The following GALK2 variants were observed in gnomAD, a reference collection of about 807,000 sequenced individuals.
The protein encoded by GALK2 is galactokinase 2.
In GALK2, 36 loss-of-function variants were observed where a neutral mutation model predicts 52.4. The ratio of observed to expected loss-of-function variants is 0.69; its 90% CI spans 0.53 to 0.91. The LOEUF (loss-of-function observed/expected upper bound fraction) is 0.91, where lower values mean the gene tolerates loss of function less well. Among genes scored for constraint, GALK2 ranks in the 40% least tolerant of loss-of-function variants. GALK2 has a pLI of 0.00. For missense variants in GALK2, 579 were observed against 559.1 expected, an observed-to-expected ratio of 1.04 and a Z score of -0.36; for synonymous variants, 176 against 199.1, an observed-to-expected ratio of 0.88 and a Z score of 0.98.
At position 49,358,082 on chromosome 15, in the gene GALK2, G is replaced by A. The variant is rs1040261866; in HGVS notation, c.427-9409G>A. Among the ~76,000 whole-genome samples, 183 of 152,010 alleles carry A rather than the reference G, an allele frequency of 1.2e-3. 3 individuals are homozygous for A. The highest frequency in any genetic ancestry group is 9.7e-3 in the Admixed American group (148 of 15,288). On this transcript the variant is annotated intron_variant, in intron 3 of 3. Coordinates refer to the GALK2 transcript ENST00000558399. ...TCAATAAATTAGGTATTGATGGGAC[G>A]TATTTCAAAATAATAAGAGCTATCT...
At chr15:49,156,026 C>T (rs1431161228) in intron 1 of GALK2, 4 of 1,614,058 alleles carry the variant, frequency 2.5e-6, no homozygotes, top group African/African-American at 1.3e-5. Context: ...GGTATTATTT[C>T]TGCTATCATT....
intron 8 of GALK2, among the ~76,000 whole-genome samples, chr15:49,316,997 A>G (rs1473839115): frequency 6.6e-6 from 1 of 152,230 alleles, no homozygotes; most frequent in Non-Finnish European, 1.5e-5. Context: ...GGCAGAGAGT[A>G]GGACTGGGGT....
intron 3 of GALK2, chr15:49,354,043 TCA>T (rs980241638): frequency 2.6e-5 from 4 of 152,194 alleles, no homozygotes; most frequent in Non-Finnish European, 5.9e-5. Context: ...TTCTGGAGTC[TCA>T]GAGTTCTTTT....
chr15:49,323,565 G>A (rs1040766198), intron 9 of GALK2, among the ~76,000 whole-genome samples: 2 of 152,154 alleles, frequency 1.3e-5, no homozygotes, highest in Non-Finnish European at 2.9e-5. Flanking sequence ...ACAACTAATT[G>A]AGTGAGTAAA....
intron 5 of GALK2, among the ~76,000 whole-genome samples, chr15:49,252,400 T>C (rs932981306): frequency 6.6e-6 from 1 of 152,204 alleles, no homozygotes; most frequent in Admixed American, 6.5e-5. Flanking sequence ...AATGGCTGCC[T>C]TGTTTTCTAA....
intron 5 of GALK2, among the ~76,000 whole-genome samples, chr15:49,243,246 A>G (rs2091185544): frequency 6.6e-6 from 1 of 152,154 alleles, no homozygotes; most frequent in Admixed American, 6.5e-5. Context: ...ACCAGAGATC[A>G]TTTGTACTTG....
downstream of GALK2, chr15:49,335,570 A>C (rs2039560792): frequency 9.6e-7 from 1 of 1,045,678 alleles, no homozygotes; most frequent in African/African-American, 1.6e-5. Context: ...TTCACAGAGG[A>C]ACCAAGGGGA....
chr15:49,167,792 G>A (rs1050980353), upstream of GALK2, among the ~76,000 whole-genome samples: 3 of 152,182 alleles, frequency 2.0e-5, no homozygotes, highest in Admixed American at 6.5e-5. Context: ...AATAATATAC[G>A]CAAAGTGCTT....
chr15:49,179,284 C>T (rs1347280015), intron 1 of GALK2, among the ~76,000 whole-genome samples: 1 of 152,018 alleles, frequency 6.6e-6, no homozygotes, highest in African/African-American at 2.4e-5. Flanking sequence ...TAGTATTAGC[C>T]TCAGTTTGTA....
At position 49,267,097 on chromosome 15, in the gene GALK2, A is replaced by T. The variant is rs142752456; in HGVS notation, c.505-14890A>T. Among the ~76,000 whole-genome samples the T allele has an allele frequency of 8.5e-5, 13 of 152,314 alleles. No individual in the cohort carries two copies. The East Asian group carries it at 2.5e-3, about 29-fold the overall frequency. Reference sequence around the variant, plus strand: ...TCAATGATATTTGTTAAAACATGGCAAAGCAGGCTTTCTTAAGGACCATTG... The same window carrying T: ...TCAATGATATTTGTTAAAACATGGCTAAGCAGGCTTTCTTAAGGACCATTG... On this transcript the variant is annotated intron_variant, in intron 5 of 9. Coordinates refer to ENST00000560031, the MANE Select transcript of GALK2 (RefSeq NM_002044.4).
intron 7 of GALK2, among the ~76,000 whole-genome samples, chr15:49,289,941 G>C (rs547884043): frequency 1.8e-4 from 27 of 152,334 alleles, no homozygotes; most frequent in African/African-American, 6.5e-4. Context: ...CAGAGCTCAG[G>C]AACCTCTCAG....
At chr15:49,170,510 A>T (rs1439734722) in intron 1 of GALK2, 135 bp downstream of exon 1, 4 of 801,610 alleles carry the variant, frequency 5.0e-6, no homozygotes, top group Non-Finnish European at 8.0e-6. Context: ...GGATTCTATA[A>T]GGACACGTGG....
At chr15:49,201,625 A>G (rs1201636209) in intron 2 of GALK2, among the ~76,000 whole-genome samples, 1 of 152,200 alleles carries the variant, frequency 6.6e-6, no homozygotes, top group African/African-American at 2.4e-5. Context: ...CCTTGCTACT[A>G]AAAGTGTGGT....
At chr15:49,184,395 A>G (rs982127119) in intron 1 of GALK2, among the ~76,000 whole-genome samples, 1 of 152,148 alleles carries the variant, frequency 6.6e-6, no homozygotes, top group Non-Finnish European at 1.5e-5. Flanking sequence ...TGTAGGCAAC[A>G]GATCATTGGA....
At chr15:49,311,325 C>T (rs2035972542) in intron 8 of GALK2, among the ~76,000 whole-genome samples, 1 of 152,186 alleles carries the variant, frequency 6.6e-6, no homozygotes. Context: ...GGCCAAGAAC[C>T]ACTTATCTGC....
At chr15:49,274,620 T>C (rs1472710406) in intron 5 of GALK2, among the ~76,000 whole-genome samples, 6 of 152,226 alleles carry the variant, frequency 3.9e-5, no homozygotes, top group Non-Finnish European at 1.5e-5. Context: ...GTAACTTTCT[T>C]ACTTTATAAA....
downstream of GALK2, chr15:49,335,317 TCTC>T (rs531718233): frequency 1.2e-4 from 89 of 712,612 alleles, no homozygotes; most frequent in Non-Finnish European, 1.9e-4. Flanking sequence ...CAGACATGAC[TCTC>T]CTCATCATTA....
At chr15:49,166,311 G>C (rs567192343), upstream of GALK2, among the ~76,000 whole-genome samples, 1 of 152,056 alleles carries the variant, frequency 6.6e-6, no homozygotes, top group Non-Finnish European at 1.5e-5. Flanking sequence ...AAGCATTTTT[G>C]CACAATTTTT....
At chr15:49,294,331 G>C (rs1380889782) in intron 8 of GALK2, among the ~76,000 whole-genome samples, 1 of 152,090 alleles carries the variant, frequency 6.6e-6, no homozygotes, top group Non-Finnish European at 1.5e-5. Context: ...AAAGAAGTGA[G>C]AGAAGATTAT....
Sources: gnomAD v4.1 joint callset for allele counts (sites outside exome capture counted in the v4.1 genomes callset) on GRCh38, gnomAD v4.1.1 for gene constraint, MANE v1.5 for transcripts, NCBI Gene and HGNC (gene_info 2026-07-23, HGNC 2026-07-21) for gene names.